HEMK2: variants seen among roughly 807,000 people sequenced by gnomAD.
HEMK2 encodes methyltransferase HEMK2.
the HEMK2 span, among the ~76,000 whole-genome samples, chr21:28,866,768 G>C: frequency 4.5e-4 from 68 of 152,228 alleles, 1 homozygote; most frequent in South Asian, 0.013. Flanking sequence ...AAATTGACAC[G>C]ATTGAGTAGA....
chr21:28,858,652 T>C, the HEMK2 span, among the ~76,000 whole-genome samples: 3 of 152,020 alleles, frequency 2.0e-5, no homozygotes, highest in Admixed American at 6.6e-5. Flanking sequence ...AGGACAAGTA[T>C]TGCTGCTCAC....
chr21:28,839,181 G>T, the HEMK2 span, among the ~76,000 whole-genome samples: 7 of 151,292 alleles, frequency 4.6e-5, no homozygotes, highest in Admixed American at 2.6e-4. Flanking sequence ...TCCCTTTATA[G>T]TTAAAACTCT....
chr21:28,596,625 T>A, the HEMK2 span, among the ~76,000 whole-genome samples: 4 of 152,176 alleles, frequency 2.6e-5, no homozygotes, highest in African/African-American at 9.7e-5. Flanking sequence ...CTCAAGCAAA[T>A]CTTGATTTAT....
At chr21:28,590,014 C>T in the HEMK2 span, among the ~76,000 whole-genome samples, 4 of 152,168 alleles carry the variant, frequency 2.6e-5, no homozygotes, top group African/African-American at 7.2e-5. Flanking sequence ...CATGCAAACA[C>T]GCCCACAAAA....
chr21:28,766,418 A>T, the HEMK2 span, among the ~76,000 whole-genome samples: 1 of 147,464 alleles, frequency 6.8e-6, no homozygotes, highest in African/African-American at 2.6e-5. Context: ...AGTGTAAATT[A>T]GTTCAACCAC....
the HEMK2 span, among the ~76,000 whole-genome samples, chr21:28,600,804 C>G: frequency 2.6e-5 from 4 of 152,092 alleles, no homozygotes; most frequent in African/African-American, 9.7e-5. Context: ...CGCCAGATAC[C>G]CTAAATCATT....
chr21:28,739,250 A>G, the HEMK2 span, among the ~76,000 whole-genome samples: 8 of 152,332 alleles, frequency 5.3e-5, no homozygotes, highest in East Asian at 9.6e-4. Context: ...GCACAGATCA[A>G]GAACACAGGT....
chr21:28,851,556 G>A, the HEMK2 span, among the ~76,000 whole-genome samples: 22 of 152,110 alleles, frequency 1.4e-4, no homozygotes, highest in Non-Finnish European at 2.9e-4. Context: ...GGAATATCTC[G>A]ACAGGCCCCA....
the HEMK2 span, among the ~76,000 whole-genome samples, chr21:28,691,771 C>G: frequency 1.3e-5 from 2 of 152,174 alleles, no homozygotes; most frequent in South Asian, 4.1e-4. Context: ...TTGGACCCAG[C>G]ATAGAATCAA....
the HEMK2 span, among the ~76,000 whole-genome samples, chr21:28,718,820 A>C: frequency 6.6e-6 from 1 of 152,198 alleles, no homozygotes; most frequent in Non-Finnish European, 1.5e-5. Flanking sequence ...GTGAGGTCCT[A>C]ATGAATTCAG....
chr21:28,677,957 GA>G, the HEMK2 span, among the ~76,000 whole-genome samples: 1 of 152,192 alleles, frequency 6.6e-6, no homozygotes, highest in Non-Finnish European at 1.5e-5. Context: ...AAAAACAGCA[GA>G]AAAACTGGAA....
the HEMK2 span, among the ~76,000 whole-genome samples, chr21:28,769,160 C>G: frequency 6.6e-6 from 1 of 152,106 alleles, no homozygotes; most frequent in Non-Finnish European, 1.5e-5. Flanking sequence ...TACTAGCTGA[C>G]AGGAGATCTC....
chr21:28,792,867 C>G, the HEMK2 span, among the ~76,000 whole-genome samples: 1 of 152,096 alleles, frequency 6.6e-6, no homozygotes, highest in African/African-American at 2.4e-5. Context: ...CTCCCAATGC[C>G]CAGGTAAATC....
chr21:28,879,848 T>C, the HEMK2 span: 24 of 1,487,616 alleles, frequency 1.6e-5, no homozygotes, highest in Non-Finnish European at 2.1e-5. Context: ...TATTAATAAT[T>C]AAATTTTGTT....
the HEMK2 span, among the ~76,000 whole-genome samples, chr21:28,797,211 ATGCACAT>A: frequency 6.6e-6 from 1 of 152,196 alleles, no homozygotes; most frequent in Non-Finnish European, 1.5e-5. Context: ...CCACTGTTGA[ATGCACAT>A]TGCACTCCTG....
At chr21:28,598,408 T>A in the HEMK2 span, among the ~76,000 whole-genome samples, 1 of 152,186 alleles carries the variant, frequency 6.6e-6, no homozygotes, top group African/African-American at 2.4e-5. Context: ...GTGATAAATC[T>A]CCAAAAATAA....
chr21:28,753,187 T>C, the HEMK2 span, among the ~76,000 whole-genome samples: 1 of 151,912 alleles, frequency 6.6e-6, no homozygotes, highest in Non-Finnish European at 1.5e-5. Context: ...TGAAACCCCA[T>C]CTCCACTAAA....
the HEMK2 span, among the ~76,000 whole-genome samples, chr21:28,800,605 T>C: frequency 6.6e-6 from 1 of 152,166 alleles, no homozygotes; most frequent in Non-Finnish European, 1.5e-5. Flanking sequence ...ATATTGTGCA[T>C]GTGTATGCCT....
At chr21:28,819,758 C>T in the HEMK2 span, among the ~76,000 whole-genome samples, 1 of 151,886 alleles carries the variant, frequency 6.6e-6, no homozygotes, top group Non-Finnish European at 1.5e-5. Flanking sequence ...CCATGTTGGC[C>T]AGGATGGTCT....
Sources: gnomAD v4.1 joint callset for allele counts (sites outside exome capture counted in the v4.1 genomes callset) on GRCh38, gnomAD v4.1.1 for gene constraint, MANE v1.5 for transcripts, NCBI Gene and HGNC (gene_info 2026-07-23, HGNC 2026-07-21) for gene names.